GRIA1: variants seen among roughly 807,000 people sequenced by gnomAD.
The protein encoded by GRIA1 is glutamate receptor 1.
In GRIA1, 31 loss-of-function variants were observed where a neutral mutation model predicts 99.2. That is an observed-to-expected ratio of 0.31 (90% CI 0.23 to 0.42). GRIA1 has a LOEUF of 0.42. GRIA1 is among the 10% of genes least tolerant of loss of function. GRIA1 has a pLI of 1.00. For synonymous variants in GRIA1, 438 were observed against 432.4 expected (o/e 1.01, Z -0.16); for missense variants, 782 against 1,157.5 (o/e 0.68, Z 4.71).
At chr5:153,544,202 A>G (rs1759402735) in intron 2 of GRIA1, among the ~76,000 whole-genome samples, 1 of 152,240 alleles carries the variant, frequency 6.6e-6, no homozygotes, top group African/African-American at 2.4e-5. Flanking sequence ...GCCAGTGACT[A>G]TGCAGTCAAG....
At chr5:153,512,787 T>C (rs1173566441) in intron 2 of GRIA1, among the ~76,000 whole-genome samples, 1 of 152,244 alleles carries the variant, frequency 6.6e-6, no homozygotes, top group African/African-American at 2.4e-5. Context: ...GTTCTAATTC[T>C]GTGGGCTGGC....
chr5:153,539,960 A>G (rs998715470), intron 2 of GRIA1, among the ~76,000 whole-genome samples: 1 of 152,210 alleles, frequency 6.6e-6, no homozygotes, highest in Non-Finnish European at 1.5e-5. Flanking sequence ...CACATTCGGA[A>G]GGCTCCAAGT....
At chr5:153,550,348 T>C (rs963995057) in intron 2 of GRIA1, among the ~76,000 whole-genome samples, 1 of 151,526 alleles carries the variant, frequency 6.6e-6, no homozygotes, top group African/African-American at 2.4e-5. Context: ...TGGGAGAGGC[T>C]AACAGTAGAG....
chr5:153,730,587 A>C lies in GRIA1; in HGVS notation c.1823+24520A>C, dbSNP rs191662358. ...TGGGGTTAAATTATAAAGGGTTTTG[A>C]AAACTAGGCAAAGGACTGAATGTTA... On this transcript the variant is annotated intron_variant, in intron 11 of 15. Coordinates refer to ENST00000285900, the MANE Select transcript of GRIA1 (RefSeq NM_000827.4). Among the ~76,000 whole-genome samples the C allele has an allele frequency of 2.1e-3, 313 of 152,208 alleles. 1 individual carries two copies. Among genetic ancestry groups the C allele is most frequent in the African/African-American group, 7.0e-3 (291 of 41,552 alleles).
At chr5:153,756,945 T>C (rs750081505) in intron 11 of GRIA1, among the ~76,000 whole-genome samples, 31 of 152,304 alleles carry the variant, frequency 2.0e-4, no homozygotes, top group Admixed American at 7.8e-4. Flanking sequence ...CTTGGAAGTA[T>C]GACCTCACCT....
rs1401566693 is a variant in GRIA1, at chr5:153,609,536, T to A, written c.221-37392T>A. ...CACCTTAGCCCAGTGACTTTGGCAT[T>A]TGGGATTCAGACTCTTTTCTTTTTT... On this transcript the variant is annotated intron_variant, in intron 2 of 15. Transcript: ENST00000285900. 2.0e-5 allele frequency among the ~76,000 whole-genome samples: 3 copies of A among 151,390 alleles called. No individual in the cohort carries two copies. In the East Asian group the frequency reaches 5.8e-4, roughly 29 times the overall value.
chr5:153,512,931 A>G (rs1254241746), intron 2 of GRIA1, among the ~76,000 whole-genome samples: 1 of 152,180 alleles, frequency 6.6e-6, no homozygotes, highest in Non-Finnish European at 1.5e-5. Context: ...GAGACACCAG[A>G]ATACTTGCTC....
chr5:153,678,974 A>G (rs1434932715), intron 7 of GRIA1, among the ~76,000 whole-genome samples: 1 of 151,904 alleles, frequency 6.6e-6, no homozygotes. Flanking sequence ...CAAACAGTCT[A>G]ATTTTTTTTC....
intron 2 of GRIA1, among the ~76,000 whole-genome samples, chr5:153,514,010 G>A (rs867907665): frequency 1.3e-5 from 2 of 152,176 alleles, no homozygotes; most frequent in Non-Finnish European, 2.9e-5. Flanking sequence ...ACACCCTGCT[G>A]CAACACACCT....
At chr5:153,541,450 T>G (rs1220348417) in intron 2 of GRIA1, among the ~76,000 whole-genome samples, 5 of 152,188 alleles carry the variant, frequency 3.3e-5, no homozygotes, top group Non-Finnish European at 7.3e-5. Flanking sequence ...GTCTTGTAAA[T>G]TAGGTGTTAT....
chr5:153,560,664 G>A (rs1035407640), intron 2 of GRIA1, among the ~76,000 whole-genome samples: 19 of 152,146 alleles, frequency 1.2e-4, no homozygotes, highest in Non-Finnish European at 2.2e-4. Flanking sequence ...GTGCAACTGT[G>A]AGTCTATTTA....
rs756784433 is a variant in GRIA1 at position 153,764,623 on chromosome 5, G to A, written c.2013G>A (p.Glu671=). The stretch of plus-strand genomic sequence containing the variant: ...CGCTGGAAGCAGGATCTACTAAGGA[G>A]TTCTTCAGGGTAGGGACATCCTTTG... ...YGTLEAGSTK[E]FFRRSKIAVF... Residue 671 remains glutamate, a synonymous_variant, in exon 12 of 16, where the codon GAG becomes GAA. Transcript: ENST00000285900. The A allele has an allele frequency of 8.7e-6, 14 of 1,611,960 alleles. No individual in the cohort carries two copies. In the Admixed American group the frequency reaches 1.3e-4, roughly 15 times the overall value.
intron 2 of GRIA1, among the ~76,000 whole-genome samples, chr5:153,613,553 CT>C (rs908953289): frequency 2.0e-5 from 3 of 152,136 alleles, no homozygotes; most frequent in African/African-American, 7.2e-5. Context: ...TTCTTTCCTT[CT>C]TTCTTACTTC....
At chr5:153,740,392 T>G (rs1761694619) in intron 11 of GRIA1, among the ~76,000 whole-genome samples, 3 of 152,228 alleles carry the variant, frequency 2.0e-5, no homozygotes, top group Admixed American at 2.0e-4. Flanking sequence ...AGAACTGAGC[T>G]GAGCCTGTCC....
At chr5:153,739,190 C>T (rs1233015971) in intron 11 of GRIA1, among the ~76,000 whole-genome samples, 1 of 152,120 alleles carries the variant, frequency 6.6e-6, no homozygotes, top group Non-Finnish European at 1.5e-5. Context: ...CTTCATTCCT[C>T]ACTGCCCTGC....
intron 2 of GRIA1, among the ~76,000 whole-genome samples, chr5:153,627,393 TTA>T: frequency 6.6e-6 from 1 of 152,138 alleles, no homozygotes. Context: ...ATCAAACCCT[TTA>T]TCCTTAACCA....
At chr5:153,748,480 A>G (rs373492159) in intron 11 of GRIA1, among the ~76,000 whole-genome samples, 1 of 152,168 alleles carries the variant, frequency 6.6e-6, no homozygotes, top group East Asian at 1.9e-4. Flanking sequence ...GCCTTGGTAG[A>G]ATATTTGGAT....
At chr5:153,512,574 T>C (rs988069339) in intron 2 of GRIA1, among the ~76,000 whole-genome samples, 5 of 152,224 alleles carry the variant, frequency 3.3e-5, no homozygotes, top group African/African-American at 9.6e-5. Context: ...TGGCTAGCAG[T>C]GGCGAGGGTT....
At chr5:153,536,296 C>T (rs1471891863) in intron 2 of GRIA1, among the ~76,000 whole-genome samples, 1 of 152,032 alleles carries the variant, frequency 6.6e-6, no homozygotes. Context: ...TTTAATCGTC[C>T]CTCAGGGCCA....
Sources: allele counts gnomAD v4.1 joint callset (sites outside exome capture counted in the v4.1 genomes callset), GRCh38; gene constraint gnomAD v4.1.1; transcripts MANE v1.5; gene names NCBI Gene and HGNC (gene_info 2026-07-23, HGNC 2026-07-21).